Variants in SMIM31 observed in about 807,000 individuals in gnomAD.
The protein encoded by SMIM31 is small integral membrane protein 31, also known as human epithelial cell program regulator.
intron 2 of SMIM31, among the ~76,000 whole-genome samples, chr4:164,797,839 G>A (rs1478652806): frequency 1.3e-5 from 2 of 152,020 alleles, no homozygotes; most frequent in Admixed American, 6.6e-5. Flanking sequence ...TACCCAAATA[G>A]TCAACATTAT....
At chr4:164,787,327 G>A (rs1367940375) in intron 2 of SMIM31, 1 of 151,790 alleles carries the variant, frequency 6.6e-6, no homozygotes, top group Non-Finnish European at 1.5e-5. Context: ...AAATTGGAAC[G>A]ACACAGAGAA....
chr4:164,781,129 TAC>T (rs138037586), intron 2 of SMIM31, among the ~76,000 whole-genome samples: 11,227 of 143,570 alleles, frequency 0.078, 677 homozygotes, highest in African/African-American at 0.18. Flanking sequence ...TACATTTACA[TAC>T]ACACACACAC....
intron 1 of SMIM31, among the ~76,000 whole-genome samples, chr4:164,764,239 C>T (rs1579061495): frequency 2.6e-5 from 4 of 151,880 alleles, no homozygotes; most frequent in South Asian, 2.1e-4. Flanking sequence ...GAGGCCTGAC[C>T]GGCAACCAGA....
chr4:164,757,378 T>C (rs917418084), intron 1 of SMIM31, among the ~76,000 whole-genome samples: 8 of 150,876 alleles, frequency 5.3e-5, no homozygotes, highest in East Asian at 3.9e-4. Context: ...CCTACTCATT[T>C]TGTTAATGAT....
intron 1 of SMIM31, among the ~76,000 whole-genome samples, chr4:164,755,523 AAGGGAG>A (rs1231730055): frequency 1.5e-5 from 1 of 64,784 alleles, no homozygotes; most frequent in African/African-American, 6.3e-5. Flanking sequence ...AGGAGAGGGG[AAGGGAG>A]GGAGAGGAGA....
intron 1 of SMIM31, among the ~76,000 whole-genome samples, chr4:164,766,106 G>C (rs10000366): frequency 0.05 from 7,616 of 152,110 alleles, 502 homozygotes; most frequent in African/African-American, 0.15. Context: ...AAGTAACAAA[G>C]GAAAAGAAAC....
intron 1 of SMIM31, among the ~76,000 whole-genome samples, chr4:164,760,738 T>TAAAA (rs60710008): frequency 4.6e-5 from 4 of 86,242 alleles, no homozygotes; most frequent in African/African-American, 9.1e-5. Flanking sequence ...AGACTCCACC[T>TAAAA]AAAAAAAAAA....
chr4:164,764,180 G>A (rs1732688155), intron 1 of SMIM31, among the ~76,000 whole-genome samples: 2 of 152,088 alleles, frequency 1.3e-5, no homozygotes, highest in South Asian at 2.1e-4. Flanking sequence ...TAGTGATGAG[G>A]AACTCACTAT....
chr4:164,763,626 T>A (rs559601981), intron 1 of SMIM31, among the ~76,000 whole-genome samples: 1 of 152,360 alleles, frequency 6.6e-6, no homozygotes, highest in East Asian at 1.9e-4. Flanking sequence ...GTTCTTTATT[T>A]CACATGTGAT....
chr4:164,754,931 G>A (rs544027136), intron 1 of SMIM31, among the ~76,000 whole-genome samples: 1 of 150,058 alleles, frequency 6.7e-6, no homozygotes, highest in Non-Finnish European at 1.5e-5. Context: ...TCCTGAGTAT[G>A]ATAGAAATAT....
At chr4:164,788,192 G>T (rs556108285) in intron 2 of SMIM31, among the ~76,000 whole-genome samples, 2 of 152,110 alleles carry the variant, frequency 1.3e-5, no homozygotes, top group African/African-American at 4.8e-5. Flanking sequence ...TAATAATTAC[G>T]TTTCAGAAAA....
At chr4:164,779,942 G>A (rs1383533218) in intron 2 of SMIM31, among the ~76,000 whole-genome samples, 1 of 152,124 alleles carries the variant, frequency 6.6e-6, no homozygotes, top group Non-Finnish European at 1.5e-5. Flanking sequence ...CCAGTAGACG[G>A]CAATGTTTGA....
At chr4:164,764,006 A>G (rs1374933593) in intron 1 of SMIM31, among the ~76,000 whole-genome samples, 1 of 152,214 alleles carries the variant, frequency 6.6e-6, no homozygotes, top group Non-Finnish European at 1.5e-5. Context: ...ATTCTTCAAC[A>G]TATTATTTAT....
chr4:164,754,809 G>A (rs1436776948), intron 1 of SMIM31, among the ~76,000 whole-genome samples: 13 of 150,970 alleles, frequency 8.6e-5, no homozygotes, highest in African/African-American at 2.9e-4. Context: ...TGAAAGTATG[G>A]TACCATATTT....
At chr4:164,793,302 C>T (rs150738303) in intron 2 of SMIM31, among the ~76,000 whole-genome samples, 73 of 152,214 alleles carry the variant, frequency 4.8e-4, no homozygotes, top group African/African-American at 1.6e-3. Flanking sequence ...TTCCAAACCT[C>T]GGTATCCCAC....
intron 1 of SMIM31, among the ~76,000 whole-genome samples, chr4:164,769,118 T>C (rs1029171281): frequency 6.6e-6 from 1 of 152,136 alleles, no homozygotes; most frequent in African/African-American, 2.4e-5. Flanking sequence ...AAATCGGCTC[T>C]GAGTTTTATC....
chr4:164,788,735 C>T (rs6855245), intron 2 of SMIM31, among the ~76,000 whole-genome samples: 83,626 of 151,180 alleles, frequency 0.55, 23,388 homozygotes, highest in African/African-American at 0.59. Flanking sequence ...ATCCGCCCGC[C>T]TCGGCCTCTC....
rs2110909873 is a variant in SMIM31, at chr4:164,754,187, T to C, written c.-250T>C. The C allele has an allele frequency of 6.6e-6, 1 of 152,338 alleles. No homozygotes were observed. The highest frequency in any genetic ancestry group is 1.9e-4 in the East Asian group (1 of 5,188). The allele number at this position is 152,338 out of a possible 1,614,324, so 9.4% of individuals were successfully genotyped here. A position where few individuals can be genotyped will look rare whatever the true frequency, so the allele number is the denominator to read the frequency against. ...TTTCTTTTTTAGAGGTACAGATTCC[T>C]CTTAGTCAAGTCCTGATTAAAACTC... On this transcript the variant is annotated 5_prime_UTR_variant, in exon 1 of 3. Transcript: ENST00000507311.
intron 1 of SMIM31, among the ~76,000 whole-genome samples, chr4:164,756,977 T>G (rs1276291627): frequency 6.6e-6 from 1 of 152,198 alleles, no homozygotes; most frequent in African/African-American, 2.4e-5. Flanking sequence ...AGTTATAGTT[T>G]ATTTTATAAA....
Sources: allele counts gnomAD v4.1 joint callset (sites outside exome capture counted in the v4.1 genomes callset), GRCh38; gene constraint gnomAD v4.1.1; transcripts MANE v1.5; gene names NCBI Gene and HGNC (gene_info 2026-07-23, HGNC 2026-07-21).